Variants in ADH1B observed in about 807,000 individuals in gnomAD.
ADH1B encodes the protein alcohol dehydrogenase 1B (class I), beta polypeptide, also known as all-trans-retinol dehydrogenase [NAD(+)] ADH1B.
A neutral mutation model predicts 34.6 loss-of-function variants in ADH1B; 29 were observed. That is an observed-to-expected ratio of 0.84 (90% confidence interval 0.62 to 1.14). ADH1B has a LOEUF of 1.14. Ranked by LOEUF, ADH1B falls within the 50% of genes most tolerant of loss-of-function variation. ADH1B has a pLI of 0.00. For synonymous variants in ADH1B, 170 were observed against 175.5 expected (o/e 0.97, Z 0.25); for missense variants, 424 against 468.4 (o/e 0.91, Z 0.87).
chr4:99,313,536 T>C (rs1461278659), intron 6 of ADH1B: 2 of 417,700 alleles, frequency 4.8e-6, no homozygotes, highest in Non-Finnish European at 8.3e-6. Flanking sequence ...TGAACTTATA[T>C]TTTTTAACTA....
rs1336637149 is a variant in ADH1B at position 99,305,604 on chromosome 4, T to C, written c.*2236A>G. The C allele has an allele frequency of 2.0e-5, 2 of 101,456 alleles. No homozygotes were observed. Among genetic ancestry groups the C allele is most frequent in the African/African-American group, 7.2e-5 (2 of 27,630 alleles). 6.3% of individuals were successfully genotyped at this position (101,456 alleles called of 1,614,324 possible). A position where few individuals can be genotyped will look rare whatever the true frequency, so the allele number is the denominator to read the frequency against. ...ATATATATATATATATATATATATA[T>C]ATATACAATCACTTAACTATATGAA... On this transcript the variant is annotated 3_prime_UTR_variant, in exon 9 of 9. Transcript: ENST00000305046.
chr4:99,305,559 GTGTATATATATATA>G lies in ADH1B; in HGVS notation c.*2267_*2280del, dbSNP rs1382864239. 107 of 43,102 alleles carry G rather than the reference GTGTATATATATATA, an allele frequency of 2.5e-3. 9 individuals are homozygous for G. Among genetic ancestry groups the G allele is most frequent in the Middle Eastern group, 0.025 (2 of 80 alleles). The allele number at this position is 43,102 out of a possible 1,614,324, so 2.7% of individuals were successfully genotyped here. ...AACTATATGAACCACTTGCCCCATA[GTGTATATATATATA>G]TATATATATATATATATATATATAT... On this transcript the variant is annotated 3_prime_UTR_variant, in exon 9 of 9. Coordinates refer to ENST00000305046, the MANE Select transcript of ADH1B (RefSeq NM_000668.6).
intron 6 of ADH1B, among the ~76,000 whole-genome samples, chr4:99,311,969 C>T (rs28914775): frequency 0.097 from 14,802 of 152,122 alleles, 1,049 homozygotes; most frequent in Admixed American, 0.24. Flanking sequence ...ATTATATCAC[C>T]GAAATTTGTC....
chr4:99,320,944 A>C (rs1734009841), intron 1 of ADH1B: 6 of 1,235,584 alleles, frequency 4.9e-6, no homozygotes, highest in Non-Finnish European at 5.2e-6. Context: ...GAATAAAAAT[A>C]ATAACACATT....
chr4:99,319,879 T>C (rs926156547), intron 1 of ADH1B: 1 of 152,156 alleles, frequency 6.6e-6, no homozygotes, highest in African/African-American at 2.4e-5. Context: ...TTTTCAACTT[T>C]GTAGGATGTT....
At chr4:99,316,706 C>G (rs1013279627) in intron 3 of ADH1B, 3 of 154,406 alleles carry the variant, frequency 1.9e-5, no homozygotes, top group African/African-American at 7.2e-5. Flanking sequence ...ATTATAGTGC[C>G]TGTAGATATT....
intron 6 of ADH1B, among the ~76,000 whole-genome samples, chr4:99,312,844 C>T (rs1006033795): frequency 1.3e-5 from 2 of 151,462 alleles, no homozygotes; most frequent in Non-Finnish European, 2.9e-5. Flanking sequence ...CAGAGTGAGA[C>T]CCTGTCTCAA....
intron 3 of ADH1B, chr4:99,317,199 T>C (rs2110637103): frequency 6.6e-6 from 1 of 152,338 alleles, no homozygotes. Context: ...TTAAACATAA[T>C]TTTTATTTCT....
chr4:99,309,557 TATG>T (rs1369257906), intron 8 of ADH1B, among the ~76,000 whole-genome samples: 8 of 152,158 alleles, frequency 5.3e-5, no homozygotes, highest in Admixed American at 2.6e-4. Flanking sequence ...TTTTCAATCC[TATG>T]ATGATGATGA....
Position 99,318,859 on chromosome 4 carries a change from A to G in ADH1B, c.46T>C (p.Trp16Arg), listed in dbSNP as rs113075608. The change falls in exon 2 of 9, where the codon TGG (tryptophan) becomes CGG (arginine). Residue 16 changes from tryptophan to arginine, a missense_variant. Physicochemically the swap from Trp to Arg is moderately radical, Grantham distance 101. Around this residue, in one of 3 missense-constraint regions of ADH1B, gnomAD observed 291 missense variants for 300.4 expected, o/e 0.97. Coordinates refer to ENST00000305046, the MANE Select transcript of ADH1B (RefSeq NM_000668.6). ...ATGGAAAAGGGTTTCTTTACCTCCC[A>G]TAGCACAGCTGCTTTGCATTTGATT... ...KVIKCKAAVL[W>R]EVKKPFSIED... 8.8e-4 allele frequency: 1,417 copies of G among 1,613,836 alleles called. 10 individuals are homozygous for G. In the African/African-American group the frequency reaches 0.016, roughly 18 times the overall value.
In ADH1B at chr4:99,307,799, G is replaced by C; in HGVS notation, c.*41C>G. The C allele has an allele frequency of 1.2e-6, 2 of 1,608,900 alleles. No individual in the cohort carries two copies. Among genetic ancestry groups the C allele is most frequent in the East Asian group, 4.5e-5 (2 of 44,832 alleles). ...GTTGCTCCAGATCTTGTAGGGTAGA[G>C]GAGGCTGAAGACTGCTACAGGGGAA... On this transcript the variant is annotated 3_prime_UTR_variant, in exon 9 of 9. Transcript: ENST00000305046.
chr4:99,317,223 A>G (rs968623520), intron 3 of ADH1B: 5 of 152,234 alleles, frequency 3.3e-5, no homozygotes, highest in African/African-American at 1.2e-4. Flanking sequence ...CACCTATGCT[A>G]TACATTCCAC....
Position 99,318,885 on chromosome 4 carries a change from A to G in ADH1B, c.20T>C (p.Val7Ala), listed in dbSNP as rs1160577696. ...TAGCACAGCTGCTTTGCATTTGATT[A>G]CCTAGAAAATCAAACAGAGAGATGG... MSTAGK[V>A]IKCKAAVLWE... The change falls in exon 2 of 9, where the codon GTA becomes GCA. Residue 7 changes from valine (V) to alanine (A), a missense_variant and splice_region_variant. By Grantham distance (64) the Val-to-Ala change is moderately conservative. Coordinates refer to ENST00000305046, the MANE Select transcript of ADH1B (RefSeq NM_000668.6). 6.2e-7 allele frequency: 1 copy of G among 1,612,692 alleles called. No individual in the cohort carries two copies. The highest frequency in any genetic ancestry group is 1.3e-5 in the African/African-American group (1 of 74,864).
Position 99,316,035 on chromosome 4 carries a change from T to C in ADH1B, c.430A>G (p.Thr144Ala). 2 of 1,614,166 alleles carry C rather than the reference T, an allele frequency of 1.2e-6. No individual in the cohort carries two copies. The highest frequency in any genetic ancestry group is 1.7e-6 in the Non-Finnish European group (2 of 1,180,010). Reference sequence around the variant, plus strand: ...ACCGTGTACTGGGAGAAGGTGCTGGTGCCAAGGAAGTGGTGAATGGGCTTC... The same window carrying C: ...ACCGTGTACTGGGAGAAGGTGCTGGCGCCAAGGAAGTGGTGAATGGGCTTC... ...RGKPIHHFLG[T>A]STFSQYTVVD... The change falls in exon 5 of 9, where the codon ACC becomes GCC. Residue 144 changes from threonine to alanine, a missense_variant. Around this residue, in one of 3 missense-constraint regions of ADH1B, gnomAD observed 291 missense variants for 300.4 expected, o/e 0.97. Transcript: ENST00000305046.
At chr4:99,313,436 G>C (rs1733799636) in intron 6 of ADH1B, 3 of 198,902 alleles carry the variant, frequency 1.5e-5, no homozygotes. Flanking sequence ...AAGAACATAG[G>C]CAAAATTGTT....
At chr4:99,315,732 G>T in intron 5 of ADH1B, 166 bp downstream of exon 5, 1 of 774,096 alleles carries the variant, frequency 1.3e-6, no homozygotes, top group Non-Finnish European at 2.0e-6. Context: ...CAATAAATTG[G>T]TGAAATTTCT....
intron 2 of ADH1B, 37 bp downstream of exon 2, chr4:99,318,748 A>G (rs1465026616): frequency 1.9e-6 from 3 of 1,570,930 alleles, no homozygotes; most frequent in Non-Finnish European, 2.6e-6. Flanking sequence ...TGAGTTTTTT[A>G]AATGTAAAAT....
At chr4:99,310,450 T>C (rs1259306680) in intron 8 of ADH1B, 5 of 369,004 alleles carry the variant, frequency 1.4e-5, no homozygotes, top group Non-Finnish European at 2.6e-5. Context: ...TATGGCTGTT[T>C]AAATAGACTT....
rs1388205058 is a variant in ADH1B at position 99,316,251 on chromosome 4, C to A, written c.311G>T (p.Cys104Phe). The stretch of plus-strand genomic sequence containing the variant: ...GCAGTAGTTGCTCTCCGGGTTTTTA[C>A]AAACTCTGCATTTTCCACACTGAGG... ...FTPQCGKCRV[C>F]KNPESNYCLK... The change falls in exon 4 of 9, where the codon TGT becomes TTT. Residue 104 changes from cysteine to phenylalanine, a missense_variant. By Grantham distance (205) the Cys-to-Phe change is radical. Coordinates refer to ENST00000305046, the MANE Select transcript of ADH1B (RefSeq NM_000668.6). 1.2e-6 allele frequency: 2 copies of A among 1,614,080 alleles called. No individual in the cohort carries two copies. Among genetic ancestry groups the A allele is most frequent in the South Asian group, 1.1e-5 (1 of 91,086 alleles).
Sources: gnomAD v4.1 joint callset for allele counts (sites outside exome capture counted in the v4.1 genomes callset) on GRCh38, gnomAD v4.1.1 for gene constraint, gnomAD v4.1.1 regional missense constraint, MANE v1.5 for transcripts, NCBI Gene and HGNC (gene_info 2026-07-23, HGNC 2026-07-21) for gene names.